Variants in SLC43A2 observed in about 807,000 individuals in gnomAD.
SLC43A2 encodes solute carrier family 43 member 2.
Under a neutral mutation model 63.2 loss-of-function variants are expected in SLC43A2, and 38 were observed. The ratio of observed to expected loss-of-function variants is 0.60; its 90% CI spans 0.46 to 0.79. The LOEUF is 0.79. SLC43A2 is among the 30% of genes least tolerant of loss of function. The pLI is 0.00. For missense variants in SLC43A2, 644 were observed against 756.2 expected, an observed-to-expected ratio of 0.85 and a Z score of 1.74; for synonymous variants, 322 against 331.0, an observed-to-expected ratio of 0.97 and a Z score of 0.30.
intron 5 of SLC43A2, among the ~76,000 whole-genome samples, chr17:1,601,977 G>A (rs1295625472): frequency 6.7e-6 from 1 of 148,696 alleles, no homozygotes; most frequent in Non-Finnish European, 1.5e-5. Flanking sequence ...AGGCACTATT[G>A]AGCCAGAGTC....
Position 1,577,920 on chromosome 17 carries a change from A to T in SLC43A2, c.1424+330T>A, listed in dbSNP as rs946218240. Among the ~76,000 whole-genome samples, 1 of 152,162 alleles carries T rather than the reference A, an allele frequency of 6.6e-6. No homozygotes were observed. Among genetic ancestry groups the T allele is most frequent in the Non-Finnish European group, 1.5e-5 (1 of 68,022 alleles). ...AACCTACCCATCCTTCCCAGTGAGC[A>T]GCCAGGGCCAGCCCCAGGACTCGGC... is the stretch of plus-strand genomic sequence containing the variant. On this transcript the variant is annotated intron_variant, in intron 12 of 13. Coordinates refer to ENST00000301335, the MANE Select transcript of SLC43A2 (RefSeq NM_152346.3). This position sits in a 1 kb window ranked among gnomAD's most constrained non-coding sequence, Gnocchi z 4.9.
At chr17:1,625,110 G>A (rs1195016835) in intron 2 of SLC43A2, among the ~76,000 whole-genome samples, 2 of 152,136 alleles carry the variant, frequency 1.3e-5, no homozygotes, top group East Asian at 1.9e-4. Context: ...CCAGGGGGAC[G>A]AGGGAGGCAT....
rs141151839 is a variant in SLC43A2, at chr17:1,590,897, A to T, written c.983T>A (p.Leu328Gln). 8 of 1,552,316 alleles carry T rather than the reference A, an allele frequency of 5.2e-6. No homozygotes were observed. Among genetic ancestry groups the T allele is most frequent in the African/African-American group, 1.4e-5 (1 of 73,240 alleles). The change falls in exon 9 of 14, where the codon CTG becomes CAG. Residue 328 changes from leucine to glutamine, a missense_variant. Physicochemically the swap from Leu to Gln is moderately radical, Grantham distance 113. Transcript: ENST00000301335. ...CAGCTGCGTGACGCACATGGTGACC[A>T]GGCTGAGCAGCAGGATGGGGCTGAA... ...SVFSPILLLS[L>Q]VTMCVTQLRL...
upstream of SLC43A2, among the ~76,000 whole-genome samples, chr17:1,629,726 AGGT>A (rs1307463737): frequency 6.6e-6 from 1 of 152,162 alleles, no homozygotes; most frequent in Non-Finnish European, 1.5e-5. Context: ...CTTTCAGGGA[AGGT>A]CCCCTCTGCA....
chr17:1,590,582 G>C (rs1403666334), intron 9 of SLC43A2, among the ~76,000 whole-genome samples: 3 of 152,162 alleles, frequency 2.0e-5, no homozygotes, highest in African/African-American at 7.2e-5. Context: ...AGGCTATTTT[G>C]GTCCTTCCCT....
At chr17:1,576,959 A>G (rs11870087) in intron 12 of SLC43A2, among the ~76,000 whole-genome samples, 5,503 of 148,622 alleles carry the variant, frequency 0.037, 142 homozygotes, top group South Asian at 0.094. Context: ...CCGCCTCCCC[A>G]GTCCAAACAA....
At chr17:1,597,617 T>C (rs1905440395) in intron 5 of SLC43A2, among the ~76,000 whole-genome samples, 1 of 151,218 alleles carries the variant, frequency 6.6e-6, no homozygotes, top group South Asian at 2.1e-4. Flanking sequence ...CTGGCCAAAA[T>C]GGTGAAACCC....
At position 1,578,151 on chromosome 17, in the gene SLC43A2, A is replaced by G; in HGVS notation, c.1424+99T>C. 1.7e-6 allele frequency: 2 copies of G among 1,205,616 alleles called. No individual in the cohort carries two copies. Among genetic ancestry groups the G allele is most frequent in the Admixed American group, 3.6e-5 (2 of 54,804 alleles). The allele number at this position is 1,205,616 out of a possible 1,614,324, so 74.7% of individuals were successfully genotyped here. ...GCAGGAAGATGAGCCCTTCTGGGAC[A>G]GGCTGACCCTGCCTCAGAGTCTCAG... On this transcript the variant is annotated intron_variant, in intron 12 of 13. Transcript: ENST00000301335. The surrounding 1 kb of genome is among the most constrained non-coding windows in gnomAD (Gnocchi z 6.5).
chr17:1,616,273 A>G (rs1907653948), intron 3 of SLC43A2: 2 of 421,878 alleles, frequency 4.7e-6, no homozygotes, highest in Non-Finnish European at 8.4e-6. Flanking sequence ...CCCAATTATC[A>G]TGCTTATGAA....
At chr17:1,623,662 G>T (rs1456896289) in intron 2 of SLC43A2, among the ~76,000 whole-genome samples, 1 of 128,462 alleles carries the variant, frequency 7.8e-6, no homozygotes, top group Non-Finnish European at 1.7e-5. Context: ...CTCCTCCAGG[G>T]CGTACCCTCC....
intron 9 of SLC43A2, chr17:1,586,928 T>TGGGGCCCCCCCCCC: frequency 2.0e-5 from 25 of 1,232,816 alleles, no homozygotes; most frequent in Non-Finnish European, 2.8e-5. Context: ...TCCCTGACAA[T>TGGGGCCCCCCCCCC]CCCCCCCACC....
At chr17:1,625,668 T>G (rs544566709) in intron 2 of SLC43A2, among the ~76,000 whole-genome samples, 4 of 152,118 alleles carry the variant, frequency 2.6e-5, no homozygotes, top group Non-Finnish European at 5.9e-5. Context: ...ACCAGAGAGA[T>G]AAGCTGTGTG....
chr17:1,605,380 G>A lies in SLC43A2; in HGVS notation c.501+7815C>T, dbSNP rs1298510851. 3.3e-6 allele frequency: 1 copy of A among 304,522 alleles called. No individual in the cohort carries two copies. Among genetic ancestry groups the A allele is most frequent in the African/African-American group, 2.3e-5 (1 of 44,178 alleles). 18.9% of individuals were successfully genotyped at this position (304,522 alleles called of 1,614,324 possible). A position where few individuals can be genotyped will look rare whatever the true frequency, so the allele number is the denominator to read the frequency against. ...CGGACAGGAGTGCCTGCAGGGCCAA[G>A]GCCCTGGGACAGTGCGGGCGCGGGA... On this transcript the variant is annotated intron_variant, in intron 5 of 13. Transcript: ENST00000301335. The surrounding 1 kb of genome is among the most constrained non-coding windows in gnomAD (Gnocchi z 4.9).
At chr17:1,597,242 C>T (rs796440759) in intron 5 of SLC43A2, among the ~76,000 whole-genome samples, 24 of 151,700 alleles carry the variant, frequency 1.6e-4, no homozygotes, top group Non-Finnish European at 2.2e-4. Context: ...CGGTGGCTCA[C>T]GCCTGTAATC....
chr17:1,629,198 C>G (rs1908971662), upstream of SLC43A2, among the ~76,000 whole-genome samples: 1 of 151,856 alleles, frequency 6.6e-6, no homozygotes, highest in Non-Finnish European at 1.5e-5. Context: ...GCCGCCGGGC[C>G]ACCAGCGCCC....
At chr17:1,586,869 G>A (rs184185510) in intron 9 of SLC43A2, 2 of 1,471,420 alleles carry the variant, frequency 1.4e-6, no homozygotes, top group Admixed American at 4.2e-5. Context: ...CTTGAGGTGA[G>A]GAGCTTCTGG....
chr17:1,586,506 C>T (rs2076104172), intron 9 of SLC43A2, among the ~76,000 whole-genome samples: 1 of 152,018 alleles, frequency 6.6e-6, no homozygotes. Flanking sequence ...ACCAGACTGA[C>T]CAACACAGTG....
At chr17:1,612,252 C>A (rs909437116) in intron 5 of SLC43A2, among the ~76,000 whole-genome samples, 3 of 152,182 alleles carry the variant, frequency 2.0e-5, no homozygotes, top group Non-Finnish European at 4.4e-5. Context: ...GTGTGAGCCA[C>A]CATGCCCAGC....
At chr17:1,587,418 G>A (rs1181691179) in intron 9 of SLC43A2, among the ~76,000 whole-genome samples, 1 of 152,202 alleles carries the variant, frequency 6.6e-6, no homozygotes, top group African/African-American at 2.4e-5. Context: ...TGCCCCTGAT[G>A]CCCAGCCAAG....
Sources: gnomAD v4.1 joint callset for allele counts (sites outside exome capture counted in the v4.1 genomes callset) on GRCh38, gnomAD v4.1.1 for gene constraint, Gnocchi (gnomAD v3.1) non-coding constraint, MANE v1.5 for transcripts, NCBI Gene and HGNC (gene_info 2026-07-23, HGNC 2026-07-21) for gene names.